The following BRCA1 variants were observed in gnomAD, a reference collection of about 807,000 sequenced individuals.
The protein encoded by BRCA1 is BRCA1 DNA repair associated.
A neutral mutation model predicts 173.7 loss-of-function variants in BRCA1; 140 were observed. The ratio of observed to expected loss-of-function variants is 0.81; its 90% CI spans 0.70 to 0.93. The LOEUF is 0.93. BRCA1 is among the 40% of genes least tolerant of loss of function. The pLI, the probability that BRCA1 is intolerant of heterozygous loss-of-function variation, is 0.00. For missense variants in BRCA1, 1,983 were observed against 2,172.5 expected, an observed-to-expected ratio of 0.91 and a Z score of 1.73; for synonymous variants, 662 against 756.0, an observed-to-expected ratio of 0.88 and a Z score of 2.04.
At chr17:43,067,905 A>AAG (rs2052213067) in intron 15 of BRCA1, among the ~76,000 whole-genome samples, 1 of 150,120 alleles carries the variant, frequency 6.7e-6, no homozygotes, top group Non-Finnish European at 1.5e-5. Flanking sequence ...AAAAAAAAAA[A>AAG]AAAAAAATAG....
At chr17:43,073,576 C>T (rs2052549912) in intron 14 of BRCA1, among the ~76,000 whole-genome samples, 1 of 152,052 alleles carries the variant, frequency 6.6e-6, no homozygotes, top group East Asian at 1.9e-4. Flanking sequence ...CCATAAAACA[C>T]CATTCATTAA....
At chr17:43,070,389 T>C (rs2052330746) in intron 15 of BRCA1, among the ~76,000 whole-genome samples, 1 of 152,122 alleles carries the variant, frequency 6.6e-6, no homozygotes, top group African/African-American at 2.4e-5. Context: ...ATGAAGCAAT[T>C]CCCATTTCTG....
rs1555601059 is a variant in BRCA1, at chr17:43,124,105, G to C, written c.-9C>G. 2 of 1,606,680 alleles carry C rather than the reference G, an allele frequency of 1.2e-6. No homozygotes were observed. Among genetic ancestry groups the C allele is most frequent in the South Asian group, 2.2e-5 (2 of 90,906 alleles). On this transcript the variant is annotated 5_prime_UTR_variant, in exon 2 of 23. Coordinates refer to ENST00000357654, the MANE Select transcript of BRCA1 (RefSeq NM_007294.4). ...AGAGCAGATAAATCCATTTCTTTCT[G>C]TTCCAATGAACTTTAACACATTAGA... is the stretch of plus-strand genomic sequence containing the variant.
chr17:43,129,389 A>G (rs535732555), upstream of BRCA1, among the ~76,000 whole-genome samples: 4 of 152,344 alleles, frequency 2.6e-5, no homozygotes, highest in Admixed American at 6.5e-5. Flanking sequence ...GCTCCAGAAT[A>G]TCTAAATTAA....
At chr17:43,133,667 C>T (rs2055990942) in intron 1 of BRCA1, among the ~76,000 whole-genome samples, 1 of 147,672 alleles carries the variant, frequency 6.8e-6, no homozygotes, top group Admixed American at 6.8e-5. Context: ...CAGGATCTCA[C>T]TCTGTTACCC....
chr17:43,159,361 A>G (rs1317482795), intron 1 of BRCA1: 15 of 158,022 alleles, frequency 9.5e-5, no homozygotes, highest in Non-Finnish European at 2.1e-4. Flanking sequence ...CTGGCCTGGC[A>G]GGGGCTGACC....
chr17:43,083,552 C>T (rs1265588082), intron 11 of BRCA1, among the ~76,000 whole-genome samples: 2 of 152,158 alleles, frequency 1.3e-5, no homozygotes, highest in African/African-American at 4.8e-5. Context: ...CTATTAAGCA[C>T]CAGGCGCTGT....
chr17:43,050,983 T>C (rs1350533516), intron 20 of BRCA1, 80 bp downstream of exon 20: 1 of 1,376,306 alleles, frequency 7.3e-7, no homozygotes, highest in Non-Finnish European at 1.0e-6. Flanking sequence ...GGAACCCCCA[T>C]CGTGGGATCT....
intron 22 of BRCA1, among the ~76,000 whole-genome samples, chr17:43,046,667 A>C (rs1418923973): frequency 6.6e-6 from 1 of 151,262 alleles, no homozygotes; most frequent in Non-Finnish European, 1.5e-5. Flanking sequence ...AGGCAGGAGA[A>C]TCATTTAAAC....
At chr17:43,144,870 G>A in intron 1 of BRCA1, 1 of 519,070 alleles carries the variant, frequency 1.9e-6, no homozygotes, top group Non-Finnish European at 3.7e-6. Context: ...GGGAGGAGTG[G>A]CAGCGGCCAG....
rs1483100648 is a variant in BRCA1, at chr17:43,050,444, T to C, written c.5332+619A>G. 3.4e-5 allele frequency among the ~76,000 whole-genome samples: 5 copies of C among 147,316 alleles called. No individual in the cohort carries two copies. The East Asian group carries it at 7.9e-4, about 23-fold the overall frequency. ...TAACACGGTGAAACCCCGTCTCTAC[T>C]AAAAAAAAAATACAAAAAATTAGTC... On this transcript the variant is annotated intron_variant, in intron 20 of 22. Coordinates refer to ENST00000357654, the MANE Select transcript of BRCA1 (RefSeq NM_007294.4).
chr17:43,060,496 A>G (rs1253528505), intron 18 of BRCA1, among the ~76,000 whole-genome samples: 1 of 147,968 alleles, frequency 6.8e-6, no homozygotes, highest in Admixed American at 6.9e-5. Flanking sequence ...ACCTTTTATC[A>G]TTATTATTTC....
intron 12 of BRCA1, among the ~76,000 whole-genome samples, chr17:43,077,523 G>T (rs1395778820): frequency 6.6e-6 from 1 of 151,824 alleles, no homozygotes; most frequent in Admixed American, 6.6e-5. Context: ...TAGTAGAGAT[G>T]GGATTTTACC....
In BRCA1 at chr17:43,061,731, T is replaced by C. The variant is rs8176267; in HGVS notation, c.5193+1602A>G. ...CCCAGCAGCTAGGATTACAGGCACA[T>C]GCCACCACGCTCGACTAATTTTTTT... is the stretch of plus-strand genomic sequence containing the variant. On this transcript the variant is annotated intron_variant, in intron 18 of 22. Coordinates refer to ENST00000357654, the MANE Select transcript of BRCA1 (RefSeq NM_007294.4). 0.15 allele frequency among the ~76,000 whole-genome samples: 22,127 copies of C among 152,006 alleles called. 2,285 individuals are homozygous for C. The highest frequency in any genetic ancestry group is 0.24 in the Admixed American group (3,608 of 15,228).
chr17:43,140,410 C>G (rs4793209), intron 1 of BRCA1: 49,819 of 164,376 alleles, frequency 0.3, 8,219 homozygotes, highest in South Asian at 0.49. Flanking sequence ...CAATTTATAG[C>G]CAGTTGGTCA....
intron 7 of BRCA1, among the ~76,000 whole-genome samples, chr17:43,098,044 T>TG (rs1236714606): frequency 6.6e-6 from 1 of 151,362 alleles, no homozygotes; most frequent in Non-Finnish European, 1.5e-5. Context: ...TTTTTTTTTT[T>TG]TTGGAGGTCT....
chr17:43,138,316 C>A (rs35727110), intron 1 of BRCA1: 1 of 374,636 alleles, frequency 2.7e-6, no homozygotes, highest in Admixed American at 4.2e-5. Flanking sequence ...GCCTGCGGAC[C>A]GCTCAGCTTT....
At chr17:43,130,476 G>A (rs151192127), upstream of BRCA1, among the ~76,000 whole-genome samples, 1,420 of 152,194 alleles carry the variant, frequency 9.3e-3, 16 homozygotes, top group African/African-American at 0.03. Context: ...ACTACACCCA[G>A]CTAATTTTTG....
chr17:43,120,124 T>G (rs1482144790), intron 2 of BRCA1, among the ~76,000 whole-genome samples: 1 of 152,200 alleles, frequency 6.6e-6, no homozygotes, highest in Non-Finnish European at 1.5e-5. Flanking sequence ...AGGTTTAGGT[T>G]GAAAAACAAC....
Sources: allele counts gnomAD v4.1 joint callset (sites outside exome capture counted in the v4.1 genomes callset), GRCh38; gene constraint gnomAD v4.1.1; transcripts MANE v1.5; gene names NCBI Gene and HGNC (gene_info 2026-07-23, HGNC 2026-07-21).